PSMF1: variants seen among roughly 807,000 people sequenced by gnomAD.
The protein encoded by PSMF1 is proteasome inhibitor PI31 subunit.
A neutral mutation model predicts 29.3 loss-of-function variants in PSMF1; 30 were observed. That is an observed-to-expected ratio of 1.02 (90% CI 0.77 to 1.39). PSMF1 has a LOEUF of 1.39. Among genes scored for constraint, PSMF1 ranks in the 40% most tolerant of loss-of-function variants. The pLI, the probability that PSMF1 is intolerant of heterozygous loss-of-function variation, is 0.00. For missense variants in PSMF1, 344 were observed against 357.5 expected, an observed-to-expected ratio of 0.96 and a Z score of 0.31; for synonymous variants, 134 against 139.7, an observed-to-expected ratio of 0.96 and a Z score of 0.29.
rs142618110 is a variant in PSMF1, at chr20:1,169,017, C to T, written c.*3937C>T. On this transcript the variant is annotated 3_prime_UTR_variant, in exon 7 of 7. Transcript: ENST00000335877. Reference sequence around the variant, plus strand: ...CTTGGGATACCACAAGGCACAGATACAGGCAGCTGCTGTGTGGCTCTGGAG... The same window carrying T: ...CTTGGGATACCACAAGGCACAGATATAGGCAGCTGCTGTGTGGCTCTGGAG... 4.5e-3 allele frequency among the ~76,000 whole-genome samples: 684 copies of T among 152,308 alleles called. 2 individuals carry two copies. The highest frequency in any genetic ancestry group is 0.027 in the Middle Eastern group (8 of 294).
At chr20:1,118,389 T>G, upstream of PSMF1, 1 of 187,336 alleles carries the variant, frequency 5.3e-6, no homozygotes, top group Non-Finnish European at 1.1e-5. Flanking sequence ...CATACCCCAT[T>G]TTGTGGATGG....
chr20:1,164,436 C>T lies in PSMF1; in HGVS notation c.724C>T (p.Arg242Cys), dbSNP rs200259216. The T allele has an allele frequency of 5.0e-6, 8 of 1,614,158 alleles. No individual in the cohort carries two copies. The highest frequency in any genetic ancestry group is 2.2e-5 in the East Asian group (1 of 44,876). ...TCCAGGCGCTGTGCCCCCAGGAGCT[C>T]GCTTTGACCCCTTTGGACCCATTGG... ...LPPGAVPPGA[R>C]FDPFGPIGTS... Residue 242 changes from arginine (R) to cysteine (C), a missense_variant, in exon 6 of 7, where the codon CGC becomes TGC. By Grantham distance (180) the Arg-to-Cys change is radical. Transcript: ENST00000335877. This position sits in a 1 kb window ranked among gnomAD's most constrained non-coding sequence, Gnocchi z 4.1.
At chr20:1,122,216 C>T (rs879738234) in intron 1 of PSMF1, among the ~76,000 whole-genome samples, 19 of 152,242 alleles carry the variant, frequency 1.2e-4, no homozygotes, top group Admixed American at 1.0e-3. Context: ...CACAGCCCTA[C>T]ACCTGACTTG....
At chr20:1,132,511 G>A (rs907164857) in intron 3 of PSMF1, among the ~76,000 whole-genome samples, 6 of 151,902 alleles carry the variant, frequency 3.9e-5, no homozygotes, top group Admixed American at 6.6e-5. Flanking sequence ...TCCTGACCTC[G>A]TGACCCACCC....
In PSMF1 at chr20:1,165,560, C is replaced by CT. The variant is rs2086719492; in HGVS notation, c.*485dup. 1 of 995,612 alleles carries CT rather than the reference C, an allele frequency of 1.0e-6. No homozygotes were observed. The highest frequency in any genetic ancestry group is 1.2e-6 in the Non-Finnish European group (1 of 836,176). The allele number at this position is 995,612 out of a possible 1,614,324, so 61.7% of individuals were successfully genotyped here. ...TGAGTTTCTGTAGGGCTGAATGACTCTTTTTCCTGCCCAGGGCCCATTCTT... is the reference window on the plus strand; with the variant it reads ...TGAGTTTCTGTAGGGCTGAATGACTCTTTTTTCCTGCCCAGGGCCCATTCTT... On this transcript the variant is annotated 3_prime_UTR_variant, in exon 7 of 7. Transcript: ENST00000335877.
chr20:1,166,407 G>A lies in PSMF1; in HGVS notation c.*1327G>A. On this transcript the variant is annotated 3_prime_UTR_variant, in exon 7 of 7. Coordinates refer to ENST00000335877, the MANE Select transcript of PSMF1 (RefSeq NM_006814.5). ...TCCCTGGATTCCTTCCCCTAAATTA[G>A]GACCTATTATTTACCTGTAGGTAAG... 1.1e-6 allele frequency: 1 copy of A among 870,558 alleles called. No individual in the cohort carries two copies. The highest frequency in any genetic ancestry group is 1.5e-5 in the South Asian group (1 of 67,318). 53.9% of individuals were successfully genotyped at this position (870,558 alleles called of 1,614,324 possible).
Position 1,118,645 on chromosome 20 carries a change from C to G in PSMF1, c.-129C>G. 6 of 1,200,662 alleles carry G rather than the reference C, an allele frequency of 5.0e-6. No individual in the cohort carries two copies. The highest frequency in any genetic ancestry group is 6.7e-6 in the Non-Finnish European group (6 of 889,220). The allele number at this position is 1,200,662 out of a possible 1,614,324, so 74.4% of individuals were successfully genotyped here. On this transcript the variant is annotated 5_prime_UTR_variant, in exon 1 of 7. Coordinates refer to ENST00000335877, the MANE Select transcript of PSMF1 (RefSeq NM_006814.5). ...CGTCCCCGGGCGTCTCCATTTTGGTCTCAGGTGTGGACTCGGCAAGAACCA... is the reference window on the plus strand; with the variant it reads ...CGTCCCCGGGCGTCTCCATTTTGGTGTCAGGTGTGGACTCGGCAAGAACCA...
At chr20:1,141,886 C>T (rs1366743192) in intron 4 of PSMF1, among the ~76,000 whole-genome samples, 2 of 152,060 alleles carry the variant, frequency 1.3e-5, no homozygotes, top group African/African-American at 2.4e-5. Context: ...ACACGTGGAA[C>T]GAAATTTAAA....
At chr20:1,144,288 G>A (rs936618019) in intron 4 of PSMF1, among the ~76,000 whole-genome samples, 1 of 152,204 alleles carries the variant, frequency 6.6e-6, no homozygotes. Context: ...AAATTCTAGA[G>A]AGAGTGCAGA....
Position 1,166,439 on chromosome 20 carries a change from A to ACTGTAG in PSMF1, c.*1362_*1367dup. The ACTGTAG allele has an allele frequency of 3.0e-6, 2 of 674,190 alleles. No homozygotes were observed. Among genetic ancestry groups the ACTGTAG allele is most frequent in the Non-Finnish European group, 5.2e-6 (2 of 386,438 alleles). The allele number at this position is 674,190 out of a possible 1,614,324, so 41.8% of individuals were successfully genotyped here. A position where few individuals can be genotyped will look rare whatever the true frequency, so the allele number is the denominator to read the frequency against. On this transcript the variant is annotated 3_prime_UTR_variant, in exon 7 of 7. Transcript: ENST00000335877. ...TTATTTACCTGTAGGTAAGCAAGCT[A>ACTGTAG]CTGTAGCTCTTCTGAGGTATCTGCC...
In PSMF1 at chr20:1,167,017, A is replaced by G. The variant is rs2086737745; in HGVS notation, c.*1937A>G. On this transcript the variant is annotated 3_prime_UTR_variant, in exon 7 of 7. Transcript: ENST00000335877. ...CAGCAAAGTCCGAAAAGATAGTTAT[A>G]TACAAAATTCTGTTTTCTGAAAACA... is the stretch of plus-strand genomic sequence containing the variant. 1 of 152,268 alleles carries G rather than the reference A, an allele frequency of 6.6e-6. No individual in the cohort carries two copies. Among genetic ancestry groups the G allele is most frequent in the South Asian group, 2.1e-4 (1 of 4,834 alleles). 9.4% of individuals were successfully genotyped at this position (152,268 alleles called of 1,614,324 possible).
At chr20:1,115,556 T>C (rs1167696541), upstream of PSMF1, among the ~76,000 whole-genome samples, 1 of 152,164 alleles carries the variant, frequency 6.6e-6, no homozygotes, top group Non-Finnish European at 1.5e-5. Context: ...TGCCCACCCC[T>C]TGAAAGCCCA....
At chr20:1,131,481 T>C (rs146719710) in intron 3 of PSMF1, among the ~76,000 whole-genome samples, 2,394 of 152,276 alleles carry the variant, frequency 0.016, 61 homozygotes, top group African/African-American at 0.055. Context: ...GTCCAGCTCT[T>C]AGTAAAATAC....
intron 4 of PSMF1, among the ~76,000 whole-genome samples, chr20:1,150,521 ATT>A: frequency 6.6e-6 from 1 of 150,478 alleles, no homozygotes; most frequent in African/African-American, 2.4e-5. Context: ...CCACATTAAA[ATT>A]TTTTTTTTCT....
chr20:1,121,495 A>G (rs1167174300), intron 1 of PSMF1, among the ~76,000 whole-genome samples: 1 of 152,118 alleles, frequency 6.6e-6, no homozygotes, highest in East Asian at 1.9e-4. Context: ...CTGGAGAGGC[A>G]TCTTTCCTAT....
intron 4 of PSMF1, among the ~76,000 whole-genome samples, chr20:1,151,019 T>C (rs2086524050): frequency 6.6e-6 from 1 of 152,268 alleles, no homozygotes; most frequent in Admixed American, 6.5e-5. Flanking sequence ...GATTATCCTC[T>C]ACCTATGTTA....
intron 1 of PSMF1, among the ~76,000 whole-genome samples, chr20:1,120,152 AC>A (rs1183387606): frequency 3.3e-5 from 5 of 149,338 alleles, no homozygotes; most frequent in Admixed American, 6.7e-5. Context: ...CTCACACTTT[AC>A]CCCCTCCAGC....
chr20:1,164,612 C>A lies in PSMF1; in HGVS notation c.764+136C>A. ...TGTTGCTGCCAGGAGAGTGGAGCCT[C>A]CTCCAGGGCCCTGCCTGATTTCTCC... On this transcript the variant is annotated intron_variant, in intron 6 of 6. Coordinates refer to ENST00000335877, the MANE Select transcript of PSMF1 (RefSeq NM_006814.5). This position sits in a 1 kb window ranked among gnomAD's most constrained non-coding sequence, Gnocchi z 4.1. 8.4e-7 allele frequency: 1 copy of A among 1,186,224 alleles called. No homozygotes were observed. The highest frequency in any genetic ancestry group is 1.5e-5 in the South Asian group (1 of 67,248). The allele number at this position is 1,186,224 out of a possible 1,614,324, so 73.5% of individuals were successfully genotyped here.
rs2086781181 is a variant in PSMF1, at chr20:1,170,657, C to G, written c.*5577C>G. On this transcript the variant is annotated 3_prime_UTR_variant, in exon 7 of 7. Coordinates refer to ENST00000335877, the MANE Select transcript of PSMF1 (RefSeq NM_006814.5). ...CCTCCCTTTCTCAGTGTGTGGCCTT[C>G]CTCATCCACAAAATGAGCATCACCC... Among the ~76,000 whole-genome samples, 1 of 151,992 alleles carries G rather than the reference C, an allele frequency of 6.6e-6. No individual in the cohort carries two copies. Among genetic ancestry groups the G allele is most frequent in the Non-Finnish European group, 1.5e-5 (1 of 68,002 alleles).
Sources: allele counts gnomAD v4.1 joint callset (sites outside exome capture counted in the v4.1 genomes callset), GRCh38; gene constraint gnomAD v4.1.1; non-coding constraint Gnocchi (gnomAD v3.1); transcripts MANE v1.5; gene names NCBI Gene and HGNC (gene_info 2026-07-23, HGNC 2026-07-21).